The following ANK2 variants were observed in gnomAD, a reference collection of about 807,000 sequenced individuals.
The protein encoded by ANK2 is ankyrin-2.
A neutral mutation model predicts 360.5 loss-of-function variants in ANK2; 83 were observed. The observed-to-expected ratio is 0.23, with a 90% CI of 0.19 to 0.28. ANK2 has a LOEUF of 0.28. Ranked by LOEUF, ANK2 falls within the 10% of genes least tolerant of loss-of-function variation. The pLI, the probability that ANK2 is intolerant of heterozygous loss-of-function variation, is 1.00. For synonymous variants in ANK2, 1,740 were observed against 1,759.5 expected (o/e 0.99, Z 0.28); for missense variants, 4,201 against 4,795.7 (o/e 0.88, Z 3.66).
chr4:112,925,118 G>A (rs2092357888), intron 2 of ANK2, among the ~76,000 whole-genome samples: 1 of 152,098 alleles, frequency 6.6e-6, no homozygotes, highest in Non-Finnish European at 1.5e-5. Flanking sequence ...GATTACAGGC[G>A]TGAGCCACCG....
chr4:112,913,586 A>G (rs1163866810), intron 2 of ANK2, among the ~76,000 whole-genome samples: 1 of 152,238 alleles, frequency 6.6e-6, no homozygotes, highest in East Asian at 1.9e-4. Flanking sequence ...TGGAATCTGT[A>G]TATGAGTTTA....
intron 2 of ANK2, among the ~76,000 whole-genome samples, chr4:112,971,035 A>G (rs1302847503): frequency 6.6e-6 from 1 of 152,200 alleles, no homozygotes; most frequent in Admixed American, 6.5e-5. Flanking sequence ...TGGGAAATAA[A>G]AATCATGATT....
chr4:112,775,197 A>G, the ANK2 span, among the ~76,000 whole-genome samples: 1 of 152,166 alleles, frequency 6.6e-6, no homozygotes, highest in African/African-American at 2.4e-5. Context: ...AGGGGCTGGT[A>G]AGAGAGAAAG....
At chr4:113,253,168 T>C (rs1313783263) in intron 10 of ANK2, among the ~76,000 whole-genome samples, 1 of 152,222 alleles carries the variant, frequency 6.6e-6, no homozygotes, top group African/African-American at 2.4e-5. Context: ...TGCTTGGTCC[T>C]GTCTTCTCAA....
intron 2 of ANK2, among the ~76,000 whole-genome samples, chr4:113,193,416 C>T (rs538482351): frequency 1.3e-5 from 2 of 152,242 alleles, no homozygotes; most frequent in South Asian, 2.1e-4. Flanking sequence ...TTAATCCCAC[C>T]GCAGTGAATA....
Position 113,353,666 on chromosome 4 carries a change from C to T in ANK2, c.5048C>T (p.Pro1683Leu). Reference protein sequence around the residue: ...RSSEKEGKDIPPDETQSTQKQ... With the variant: ...RSSEKEGKDILPDETQSTQKQ... ...TCTGAAAAGGAAGGGAAAGACATAC[C>T]CCCAGATGAGACACAGAGTACACAG... The change falls in exon 38 of 46, where the codon CCC (proline) becomes CTC (leucine). Residue 1683 changes from proline to leucine, a missense_variant. Physicochemically the swap from Pro to Leu is moderately conservative, Grantham distance 98. Coordinates refer to ENST00000357077, the MANE Select transcript of ANK2 (RefSeq NM_001148.6). The T allele has an allele frequency of 6.2e-7, 1 of 1,613,880 alleles. No homozygotes were observed. Among genetic ancestry groups the T allele is most frequent in the Non-Finnish European group, 8.5e-7 (1 of 1,179,958 alleles).
intron 3 of ANK2, among the ~76,000 whole-genome samples, chr4:113,196,732 A>G (rs189986469): frequency 2.4e-4 from 36 of 152,176 alleles, no homozygotes. Context: ...AGGTCTTGCT[A>G]TGTTGCCTTC....
chr4:112,969,116 A>G (rs1297225146), intron 2 of ANK2, among the ~76,000 whole-genome samples: 1 of 152,202 alleles, frequency 6.6e-6, no homozygotes, highest in African/African-American at 2.4e-5. Context: ...CTGAGGTTCT[A>G]GGAGGTATTT....
intron 26 of ANK2, among the ~76,000 whole-genome samples, chr4:113,324,543 C>T (rs542132277): frequency 3.3e-5 from 5 of 152,046 alleles, no homozygotes; most frequent in African/African-American, 4.8e-5. Flanking sequence ...CTCAAATGCA[C>T]GCTATTGTCT....
chr4:112,714,918 A>G, the ANK2 span, among the ~76,000 whole-genome samples: 1 of 152,258 alleles, frequency 6.6e-6, no homozygotes. Context: ...AAGGATATAT[A>G]AATAGTTTCA....
At chr4:113,368,214 T>A (rs2096605390) in intron 42 of ANK2, among the ~76,000 whole-genome samples, 1 of 152,212 alleles carries the variant, frequency 6.6e-6, no homozygotes, top group Admixed American at 6.5e-5. Context: ...TCCCTGTAGA[T>A]GACACGGCCA....
chr4:112,861,839 C>CAGACAGAG (rs1553951298), intron 1 of ANK2, among the ~76,000 whole-genome samples: 1 of 140,406 alleles, frequency 7.1e-6, no homozygotes, highest in Admixed American at 7.3e-5. Context: ...TACATAGAGA[C>CAGACAGAG]AGAGAGAGAG....
At chr4:112,722,280 A>C in the ANK2 span, among the ~76,000 whole-genome samples, 1 of 152,018 alleles carries the variant, frequency 6.6e-6, no homozygotes, top group Non-Finnish European at 1.5e-5. Context: ...TGCCTCACTA[A>C]CTCTCTCTGC....
chr4:113,195,214 A>G (rs553707454), intron 2 of ANK2, among the ~76,000 whole-genome samples: 2 of 152,212 alleles, frequency 1.3e-5, no homozygotes, highest in African/African-American at 2.4e-5. Flanking sequence ...TCATAATAAG[A>G]TCATTTTATT....
the ANK2 span, among the ~76,000 whole-genome samples, chr4:112,791,423 A>C: frequency 6.6e-6 from 1 of 151,942 alleles, no homozygotes; most frequent in Non-Finnish European, 1.5e-5. Flanking sequence ...CCAAGATCAC[A>C]AATGTTGGAA....
intron 1 of ANK2, among the ~76,000 whole-genome samples, chr4:113,119,974 A>G (rs1377583116): frequency 6.6e-6 from 1 of 152,166 alleles, no homozygotes; most frequent in Non-Finnish European, 1.5e-5. Flanking sequence ...CATGTTGCAT[A>G]CTTGACTATA....
chr4:113,347,563 A>G (rs1235154305), intron 35 of ANK2, among the ~76,000 whole-genome samples: 1 of 152,248 alleles, frequency 6.6e-6, no homozygotes, highest in Non-Finnish European at 1.5e-5. Context: ...TTCTAAGTCA[A>G]GACATATCAG....
At chr4:112,710,347 T>C in the ANK2 span, among the ~76,000 whole-genome samples, 1 of 152,238 alleles carries the variant, frequency 6.6e-6, no homozygotes, top group East Asian at 1.9e-4. Flanking sequence ...TACTCGGATT[T>C]AACTATAGTA....
At chr4:113,060,679 C>CTTT (rs58946073) in intron 1 of ANK2, among the ~76,000 whole-genome samples, 1 of 89,326 alleles carries the variant, frequency 1.1e-5, no homozygotes, top group African/African-American at 4.2e-5. Flanking sequence ...ATCTAAAAAG[C>CTTT]TTTTTTTTTT....
Sources: allele counts gnomAD v4.1 joint callset (sites outside exome capture counted in the v4.1 genomes callset), GRCh38; gene constraint gnomAD v4.1.1; transcripts MANE v1.5; gene names NCBI Gene and HGNC (gene_info 2026-07-23, HGNC 2026-07-21).